The following ERBB4 variants were observed in gnomAD, a reference collection of about 807,000 sequenced individuals.
ERBB4 encodes erb-b2 receptor tyrosine kinase 4.
Under a neutral mutation model 158.0 loss-of-function variants are expected in ERBB4, and 42 were observed. That is an observed-to-expected ratio of 0.27 (90% CI 0.21 to 0.34). The LOEUF (loss-of-function observed/expected upper bound fraction) is 0.34. Ranked by LOEUF, ERBB4 falls within the 10% of genes least tolerant of loss-of-function variation. ERBB4 has a pLI of 1.00. For synonymous variants in ERBB4, 583 were observed against 558.7 expected (o/e 1.04, Z -0.61); for missense variants, 1,333 against 1,624.1 (o/e 0.82, Z 3.08).
chr2:212,272,396 A>G (rs1291427628), intron 1 of ERBB4, among the ~76,000 whole-genome samples: 2 of 151,720 alleles, frequency 1.3e-5, no homozygotes, highest in Admixed American at 1.3e-4. Flanking sequence ...ACTCTTCCCT[A>G]TAGTCAGATG....
chr2:212,522,393 T>C (rs925967236), intron 1 of ERBB4, among the ~76,000 whole-genome samples: 1 of 152,076 alleles, frequency 6.6e-6, no homozygotes, highest in Middle Eastern at 3.4e-3. Context: ...CAGAAGTTTA[T>C]AACAATTAAG....
intron 1 of ERBB4, among the ~76,000 whole-genome samples, chr2:212,395,858 C>G (rs2091010616): frequency 1.3e-5 from 2 of 152,044 alleles, no homozygotes; most frequent in Admixed American, 6.6e-5. Flanking sequence ...ACCTCGTGAT[C>G]TGCCTGCCTC....
chr2:211,462,501 T>C (rs890394695), intron 20 of ERBB4, among the ~76,000 whole-genome samples: 6 of 152,124 alleles, frequency 3.9e-5, no homozygotes, highest in Non-Finnish European at 8.8e-5. Flanking sequence ...GAATCAGAAA[T>C]TTGACCAAAT....
chr2:212,033,229 G>A (rs2076942178), intron 2 of ERBB4, among the ~76,000 whole-genome samples: 3 of 151,884 alleles, frequency 2.0e-5, no homozygotes. Context: ...TTTTAGATAG[G>A]CAATTTGGAA....
In ERBB4 at chr2:212,538,729, G is replaced by T; in HGVS notation, c.-199C>A. 1 of 413,882 alleles carries T rather than the reference G, an allele frequency of 2.4e-6. No homozygotes were observed. Among genetic ancestry groups the T allele is most frequent in the Non-Finnish European group, 4.2e-6 (1 of 240,506 alleles). 25.6% of individuals were successfully genotyped at this position (413,882 alleles called of 1,614,324 possible). ...GTCCAGGGCCGGGGCCCGAGGAGGG[G>T]GCGAGTGTGAGCGCGTGTGTGCGCG... On this transcript the variant is annotated 5_prime_UTR_variant, in exon 1 of 28. Coordinates refer to ENST00000342788, the MANE Select transcript of ERBB4 (RefSeq NM_005235.3).
At chr2:211,772,190 C>T (rs10432445) in intron 4 of ERBB4, among the ~76,000 whole-genome samples, 22,302 of 152,000 alleles carry the variant, frequency 0.15, 1,852 homozygotes, top group South Asian at 0.33. Flanking sequence ...AATGGGAAGA[C>T]GTTAGAAATA....
chr2:211,389,773 C>A (rs1224468027), intron 25 of ERBB4, among the ~76,000 whole-genome samples: 4 of 151,970 alleles, frequency 2.6e-5, no homozygotes, highest in Non-Finnish European at 5.9e-5. Context: ...CATTCTTGGC[C>A]TCCCTATTTT....
At chr2:211,533,596 G>T (rs2066562915) in intron 20 of ERBB4, among the ~76,000 whole-genome samples, 1 of 151,916 alleles carries the variant, frequency 6.6e-6, no homozygotes, top group East Asian at 1.9e-4. Context: ...AAAATGGTGT[G>T]CTACTTGTCA....
At position 212,026,743 on chromosome 2, in the gene ERBB4, T is replaced by C. The variant is rs16847536; in HGVS notation, c.235-79127A>G. Among the ~76,000 whole-genome samples the C allele has an allele frequency of 5.1e-4, 77 of 152,046 alleles. No individual in the cohort carries two copies. In the East Asian group the frequency reaches 0.014, roughly 28 times the overall value. On this transcript the variant is annotated intron_variant, in intron 2 of 27. Transcript: ENST00000342788. ...ATTAACTCTTCCTAGAAGCAATATA[T>C]GCCTATGGCTGAAATTCAGTTCATT...
intron 1 of ERBB4, among the ~76,000 whole-genome samples, chr2:212,497,440 C>A (rs1690643803): frequency 6.6e-6 from 1 of 152,102 alleles, no homozygotes; most frequent in Non-Finnish European, 1.5e-5. Flanking sequence ...TCTGTCCATT[C>A]ATTAACTTAG....
At chr2:211,714,551 G>A (rs958204115) in intron 7 of ERBB4, among the ~76,000 whole-genome samples, 2 of 152,176 alleles carry the variant, frequency 1.3e-5, no homozygotes, top group Non-Finnish European at 2.9e-5. Context: ...TCTATAGTGG[G>A]AAAATATGCC....
intron 1 of ERBB4, among the ~76,000 whole-genome samples, chr2:212,222,575 T>G (rs1428596934): frequency 6.6e-6 from 1 of 151,406 alleles, no homozygotes; most frequent in African/African-American, 2.4e-5. Flanking sequence ...CTTCTTAATA[T>G]ACTATATTCG....
intron 3 of ERBB4, among the ~76,000 whole-genome samples, chr2:211,822,482 T>C (rs2077016692): frequency 6.6e-6 from 1 of 152,070 alleles, no homozygotes; most frequent in Admixed American, 6.6e-5. Flanking sequence ...CACTTGTAGC[T>C]GATGGAGTTG....
At chr2:212,305,586 A>G (rs987013568) in intron 1 of ERBB4, among the ~76,000 whole-genome samples, 5 of 151,140 alleles carry the variant, frequency 3.3e-5, no homozygotes, top group African/African-American at 1.2e-4. Flanking sequence ...AAAAAACCTG[A>G]CTCCTTAACA....
intron 5 of ERBB4, among the ~76,000 whole-genome samples, chr2:211,735,687 C>T (rs1313985315): frequency 6.6e-6 from 1 of 151,970 alleles, no homozygotes; most frequent in Non-Finnish European, 1.5e-5. Context: ...TACTCAAATA[C>T]TCTTTAAATC....
At chr2:212,202,866 AG>A (rs1273254242) in intron 1 of ERBB4, among the ~76,000 whole-genome samples, 3 of 152,076 alleles carry the variant, frequency 2.0e-5, no homozygotes, top group African/African-American at 7.2e-5. Context: ...AAAAACTATT[AG>A]TTTTATGTAT....
intron 1 of ERBB4, among the ~76,000 whole-genome samples, chr2:212,391,128 T>A (rs924365150): frequency 2.4e-4 from 36 of 151,694 alleles, no homozygotes; most frequent in Non-Finnish European, 4.7e-4. Context: ...CAACTTCAAA[T>A]TCATCAAGAT....
At chr2:212,003,212 A>AGAAAGAAAGAAAGAAGGAAG (rs2076173198) in intron 2 of ERBB4, among the ~76,000 whole-genome samples, 1 of 40,512 alleles carries the variant, frequency 2.5e-5, no homozygotes, top group African/African-American at 6.4e-5. Context: ...AAAGACAGAA[A>AGAAAGAAAGAAAGAAGGAAG]GAAGGAAGGA....
At chr2:211,706,827 C>T (rs773008677) in intron 9 of ERBB4, among the ~76,000 whole-genome samples, 7 of 152,054 alleles carry the variant, frequency 4.6e-5, no homozygotes, top group Non-Finnish European at 1.0e-4. Flanking sequence ...CTCACAAAAG[C>T]TTAAAGTCTC....
Sources: gnomAD v4.1 joint callset for allele counts (sites outside exome capture counted in the v4.1 genomes callset) on GRCh38, gnomAD v4.1.1 for gene constraint, MANE v1.5 for transcripts, NCBI Gene and HGNC (gene_info 2026-07-23, HGNC 2026-07-21) for gene names.